UGT1A8: variants seen among roughly 807,000 people sequenced by gnomAD.
The protein encoded by UGT1A8 is UDP-glucuronosyltransferase 1A8.
In UGT1A8, 39 loss-of-function variants were observed where a neutral mutation model predicts 45.3. The ratio of observed to expected loss-of-function variants is 0.86; its 90% CI spans 0.67 to 1.12. The LOEUF is 1.12. Ranked by LOEUF, UGT1A8 falls within the 50% of genes most tolerant of loss-of-function variation. UGT1A8 has a pLI of 0.00. For synonymous variants in UGT1A8, 275 were observed against 249.2 expected, an observed-to-expected ratio of 1.10 and a Z score of -0.97; for missense variants, 719 against 664.9, an observed-to-expected ratio of 1.08 and a Z score of -0.90.
At chr2:233,709,223 G>C (rs546469798) in intron 1 of UGT1A8, among the ~76,000 whole-genome samples, 1 of 152,140 alleles carries the variant, frequency 6.6e-6, no homozygotes, top group Non-Finnish European at 1.5e-5. Flanking sequence ...TGAGAGTTTG[G>C]GGGAGGGGTG....
intron 1 of UGT1A8, among the ~76,000 whole-genome samples, chr2:233,685,068 G>A (rs143799403): frequency 6.6e-4 from 101 of 152,238 alleles, no homozygotes; most frequent in East Asian, 9.6e-4. Flanking sequence ...CTGCACAGGA[G>A]ATTTTTTTTC....
chr2:233,689,054 A>G (rs1455498112), intron 1 of UGT1A8, among the ~76,000 whole-genome samples: 1 of 152,200 alleles, frequency 6.6e-6, no homozygotes, highest in African/African-American at 2.4e-5. Context: ...TCTCTTCTGT[A>G]TAATCCCTTT....
chr2:233,767,728 C>A, intron 2 of UGT1A8, 121 bp from the exon 3 acceptor site: 1 of 1,556,454 alleles, frequency 6.4e-7, no homozygotes, highest in Non-Finnish European at 8.7e-7. Context: ...AGTTACTGAT[C>A]CTCCCACTCT....
At chr2:233,727,671 A>C (rs2077638679) in intron 1 of UGT1A8, among the ~76,000 whole-genome samples, 2 of 152,110 alleles carry the variant, frequency 1.3e-5, no homozygotes, top group Non-Finnish European at 2.9e-5. Context: ...TGTCCTTACA[A>C]ATTCCCAGGA....
At chr2:233,760,155 CT>C (rs1697330158) in intron 1 of UGT1A8, 26 of 1,487,798 alleles carry the variant, frequency 1.7e-5, no homozygotes, top group Non-Finnish European at 2.3e-5. Flanking sequence ...GAACTCCCTG[CT>C]ACCTTTGTGG....
At chr2:233,755,176 G>A in intron 1 of UGT1A8, 1 of 1,238,182 alleles carries the variant, frequency 8.1e-7, no homozygotes, top group South Asian at 1.2e-5. Flanking sequence ...TTTTTGTCGG[G>A]GTGCCACTTG....
rs199834645 is a variant in UGT1A8, at chr2:233,692,978, A to G, written c.856-74056A>G. On this transcript the variant is annotated intron_variant, in intron 1 of 4. Coordinates refer to ENST00000373450, the MANE Select transcript of UGT1A8 (RefSeq NM_019076.5). ...ATTTGGAGAGTGAAAACTCTTTATTACCGTTGTTACTTTAACTCTTTCCAG... is the reference window on the plus strand; with the variant it reads ...ATTTGGAGAGTGAAAACTCTTTATTGCCGTTGTTACTTTAACTCTTTCCAG... The G allele has an allele frequency of 1.2e-5, 19 of 1,612,834 alleles. No individual in the cohort carries two copies. In the African/African-American group the frequency reaches 2.1e-4, roughly 18 times the overall value.
At chr2:233,716,855 C>T (rs1330828903) in intron 1 of UGT1A8, among the ~76,000 whole-genome samples, 6 of 152,192 alleles carry the variant, frequency 3.9e-5, no homozygotes, top group African/African-American at 1.4e-4. Context: ...ACCACATATG[C>T]TGATGGCTCC....
chr2:233,771,260 CT>C (rs891018282), intron 4 of UGT1A8: 2 of 151,568 alleles, frequency 1.3e-5, no homozygotes, highest in Non-Finnish European at 1.5e-5. Context: ...ATAGGAGTGC[CT>C]TTTTTTTTCT....
At chr2:233,712,930 G>A in intron 1 of UGT1A8, 1 of 1,612,150 alleles carries the variant, frequency 6.2e-7, no homozygotes, top group Non-Finnish European at 8.5e-7. Flanking sequence ...TTAAGACGAA[G>A]GAAACAATTC....
At chr2:233,704,547 A>ATTACT (rs1423420833) in intron 1 of UGT1A8, among the ~76,000 whole-genome samples, 1 of 152,170 alleles carries the variant, frequency 6.6e-6, no homozygotes, top group African/African-American at 2.4e-5. Flanking sequence ...TGGTGATAAT[A>ATTACT]TTACTTTATA....
chr2:233,702,895 A>C (rs2075712942), intron 1 of UGT1A8, among the ~76,000 whole-genome samples: 1 of 152,172 alleles, frequency 6.6e-6, no homozygotes, highest in Non-Finnish European at 1.5e-5. Flanking sequence ...TCATATCCAT[A>C]AGAGATATTG....
intron 1 of UGT1A8, among the ~76,000 whole-genome samples, chr2:233,654,695 T>G (rs1242170704): frequency 6.6e-6 from 1 of 152,186 alleles, no homozygotes; most frequent in Non-Finnish European, 1.5e-5. Context: ...TCCTGCAGGG[T>G]CTGCACCCAT....
intron 1 of UGT1A8, chr2:233,672,142 C>T: frequency 6.2e-7 from 1 of 1,614,190 alleles, no homozygotes; most frequent in Non-Finnish European, 8.5e-7. Context: ...GGGAAGATCA[C>T]TGAATTGCAC....
Position 233,662,005 on chromosome 2 carries a change from G to T in UGT1A8, c.855+43443G>T, listed in dbSNP as rs189863754. On this transcript the variant is annotated intron_variant, in intron 1 of 4. Coordinates refer to ENST00000373450, the MANE Select transcript of UGT1A8 (RefSeq NM_019076.5). ...TCAGCCTCACACGGCGTACTGAGTGGATACTTGCAACACTTGAACTCCCTG... is the reference window on the plus strand; with the variant it reads ...TCAGCCTCACACGGCGTACTGAGTGTATACTTGCAACACTTGAACTCCCTG... Among the ~76,000 whole-genome samples, 189 of 152,126 alleles carry T rather than the reference G, an allele frequency of 1.2e-3. 1 individual carries two copies. Among genetic ancestry groups the T allele is most frequent in the African/African-American group, 4.3e-3 (178 of 41,514 alleles).
At chr2:233,623,119 G>T (rs2073038645) in intron 1 of UGT1A8, among the ~76,000 whole-genome samples, 1 of 152,118 alleles carries the variant, frequency 6.6e-6, no homozygotes, top group South Asian at 2.1e-4. Context: ...TGCTGTTTTG[G>T]TTACTGTAGC....
At position 233,617,967 on chromosome 2, in the gene UGT1A8, A is replaced by T. The variant is rs757492857; in HGVS notation, c.260A>T (p.Asp87Val). Residue 87 changes from aspartate (D) to valine (V), a missense_variant, in exon 1 of 5, where the codon GAC becomes GTC. By Grantham distance (152) the Asp-to-Val change is radical. Coordinates refer to ENST00000373450, the MANE Select transcript of UGT1A8 (RefSeq NM_019076.5). ...ACCTCATACACTCTGGAGGATCTGG[A>T]CCGGGAATTCATGGATTTCGCCGAT... ...YSTSYTLEDL[D>V]REFMDFADAQ... 12 of 1,614,044 alleles carry T rather than the reference A, an allele frequency of 7.4e-6. No individual in the cohort carries two copies. In the East Asian group the frequency reaches 1.3e-4, roughly 18 times the overall value.
chr2:233,618,897 A>C (rs1436319316), intron 1 of UGT1A8, among the ~76,000 whole-genome samples: 1 of 152,180 alleles, frequency 6.6e-6, no homozygotes, highest in Non-Finnish European at 1.5e-5. Flanking sequence ...AAATGCTCTT[A>C]GCAGTTTTGC....
chr2:233,702,946 A>C (rs1293262171), intron 1 of UGT1A8, among the ~76,000 whole-genome samples: 1 of 152,140 alleles, frequency 6.6e-6, no homozygotes, highest in African/African-American at 2.4e-5. Context: ...TGTGTTTGCT[A>C]TCTGAATATT....
Sources: gnomAD v4.1 joint callset for allele counts (sites outside exome capture counted in the v4.1 genomes callset) on GRCh38, gnomAD v4.1.1 for gene constraint, MANE v1.5 for transcripts, NCBI Gene and HGNC (gene_info 2026-07-23, HGNC 2026-07-21) for gene names.